Variants in ZSWIM6 observed in about 807,000 individuals in gnomAD.
ZSWIM6 encodes the protein zinc finger SWIM-type containing 6, also known as zinc finger SWIM domain-containing protein 6.
ZSWIM6 carries 9 observed loss-of-function variants against 113.2 expected under a neutral mutation model. The observed-to-expected ratio is 0.08, with a 90% CI of 0.05 to 0.14. The LOEUF is 0.14. ZSWIM6 is among the 10% of genes least tolerant of loss of function. ZSWIM6 has a pLI of 1.00. For missense variants in ZSWIM6, 1,162 were observed against 1,552.2 expected (o/e 0.75, Z 4.22); for synonymous variants, 611 against 606.5 (o/e 1.01, Z -0.11).
intron 12 of ZSWIM6, among the ~76,000 whole-genome samples, chr5:61,541,080 A>G (rs1397969933): frequency 6.6e-6 from 1 of 151,958 alleles, no homozygotes; most frequent in Non-Finnish European, 1.5e-5. Context: ...AGTAGCTGGG[A>G]CTACAGGCGC....
chr5:61,414,825 T>G (rs914479136), intron 1 of ZSWIM6, among the ~76,000 whole-genome samples: 6 of 152,228 alleles, frequency 3.9e-5, no homozygotes, highest in African/African-American at 1.4e-4. Flanking sequence ...AAGTTTTTCT[T>G]TGCTTACTTT....
intron 1 of ZSWIM6, among the ~76,000 whole-genome samples, chr5:61,407,377 A>G (rs1746065962): frequency 6.6e-6 from 1 of 152,248 alleles, no homozygotes; most frequent in African/African-American, 2.4e-5. Context: ...AAATTATTCT[A>G]CAAACTGCAT....
chr5:61,476,910 T>C (rs1747720572), intron 2 of ZSWIM6, among the ~76,000 whole-genome samples: 1 of 152,174 alleles, frequency 6.6e-6, no homozygotes, highest in African/African-American at 2.4e-5. Context: ...TTTTTTCTCA[T>C]ATTTAAAATG....
At chr5:61,529,911 A>T (rs1749385173) in intron 7 of ZSWIM6, 141 bp from the exon 8 acceptor site, 2 of 733,468 alleles carry the variant, frequency 2.7e-6, no homozygotes, top group Non-Finnish European at 4.2e-6. Context: ...TTGGTTTCTT[A>T]ATTAAAAGAG....
At chr5:61,538,426 T>G (rs1167742750) in intron 10 of ZSWIM6, among the ~76,000 whole-genome samples, 4 of 152,244 alleles carry the variant, frequency 2.6e-5, no homozygotes, top group Non-Finnish European at 5.9e-5. Context: ...CAGTTTCTGT[T>G]GATTTATTTT....
At chr5:61,506,590 A>AG (rs1397985958) in intron 4 of ZSWIM6, among the ~76,000 whole-genome samples, 49 of 152,230 alleles carry the variant, frequency 3.2e-4, no homozygotes, top group Non-Finnish European at 2.9e-5. Flanking sequence ...GAAAAAAAAA[A>AG]AAGTTATTTT....
chr5:61,431,783 A>C (rs181929086), intron 1 of ZSWIM6, among the ~76,000 whole-genome samples: 1 of 152,284 alleles, frequency 6.6e-6, no homozygotes, highest in East Asian at 1.9e-4. Flanking sequence ...AACTTTGACT[A>C]CTTCACCTAC....
intron 4 of ZSWIM6, among the ~76,000 whole-genome samples, chr5:61,504,907 G>A (rs2112235153): frequency 6.6e-6 from 1 of 152,150 alleles, no homozygotes; most frequent in East Asian, 1.9e-4. Context: ...TCAGGAAACA[G>A]AATAAATAAA....
intron 4 of ZSWIM6, among the ~76,000 whole-genome samples, chr5:61,502,637 T>C (rs1292018963): frequency 6.6e-6 from 1 of 152,174 alleles, no homozygotes; most frequent in East Asian, 1.9e-4. Flanking sequence ...GGTTCCCCCA[T>C]CCCCGGACTG....
chr5:61,528,087 T>C (rs1749333339), intron 7 of ZSWIM6, among the ~76,000 whole-genome samples: 1 of 152,178 alleles, frequency 6.6e-6, no homozygotes, highest in Non-Finnish European at 1.5e-5. Context: ...TATACCTATG[T>C]CTTTCCCTAC....
intron 2 of ZSWIM6, among the ~76,000 whole-genome samples, chr5:61,487,486 T>C (rs1331265984): frequency 6.6e-6 from 1 of 152,090 alleles, no homozygotes; most frequent in African/African-American, 2.4e-5. Flanking sequence ...CTTTGGGCAA[T>C]AGGGTCATCT....
intron 7 of ZSWIM6, among the ~76,000 whole-genome samples, chr5:61,526,768 C>G (rs2112269787): frequency 6.6e-6 from 1 of 152,284 alleles, no homozygotes; most frequent in Middle Eastern, 3.4e-3. Context: ...TGAATCCCGG[C>G]AATCCTAACG....
At chr5:61,359,734 AG>A (rs1204526498) in intron 1 of ZSWIM6, among the ~76,000 whole-genome samples, 2 of 151,876 alleles carry the variant, frequency 1.3e-5, no homozygotes, top group East Asian at 3.9e-4. Context: ...AGTGCTTTCT[AG>A]GGGCCAGGTA....
At chr5:61,356,027 A>G (rs1419973252) in intron 1 of ZSWIM6, among the ~76,000 whole-genome samples, 1 of 152,152 alleles carries the variant, frequency 6.6e-6, no homozygotes, top group Non-Finnish European at 1.5e-5. Flanking sequence ...CTTGATTTTA[A>G]CTTTTTGCCA....
Position 61,480,445 on chromosome 5 carries a change from T to C in ZSWIM6, c.1033+7408T>C, listed in dbSNP as rs80174700. ...GCAGAACCCGGTGCACATCAGCCTTTCCTCTGTCATTAGCCTCCACGGTGA... is the reference window on the plus strand; with the variant it reads ...GCAGAACCCGGTGCACATCAGCCTTCCCTCTGTCATTAGCCTCCACGGTGA... On this transcript the variant is annotated intron_variant, in intron 2 of 13. Coordinates refer to ENST00000252744, the MANE Select transcript of ZSWIM6 (RefSeq NM_020928.2). Among the ~76,000 whole-genome samples the C allele has an allele frequency of 6.4e-3, 974 of 152,264 alleles. 8 individuals carry two copies. Among genetic ancestry groups the C allele is most frequent in the African/African-American group, 0.02 (843 of 41,536 alleles).
chr5:61,423,241 T>C (rs1018255173), intron 1 of ZSWIM6, among the ~76,000 whole-genome samples: 8 of 152,046 alleles, frequency 5.3e-5, no homozygotes, highest in Non-Finnish European at 1.0e-4. Flanking sequence ...ACCCCGTCTC[T>C]ACTAAAAATA....
intron 9 of ZSWIM6, among the ~76,000 whole-genome samples, chr5:61,535,099 T>C (rs1229807331): frequency 6.6e-6 from 1 of 152,168 alleles, no homozygotes; most frequent in Non-Finnish European, 1.5e-5. Flanking sequence ...ATAGTTAAGC[T>C]GTGGTGTCAT....
intron 1 of ZSWIM6, among the ~76,000 whole-genome samples, chr5:61,355,601 A>C (rs1199060150): frequency 4.6e-5 from 7 of 152,170 alleles, no homozygotes; most frequent in Admixed American, 3.9e-4. Flanking sequence ...TTTACAAGTA[A>C]TTTGTAGAAA....
At chr5:61,528,256 T>C (rs1749337043) in intron 7 of ZSWIM6, among the ~76,000 whole-genome samples, 1 of 149,428 alleles carries the variant, frequency 6.7e-6, no homozygotes, top group Non-Finnish European at 1.5e-5. Flanking sequence ...GTTAGCTTAT[T>C]GATTCTGAAA....
Sources: gnomAD v4.1 joint callset for allele counts (sites outside exome capture counted in the v4.1 genomes callset) on GRCh38, gnomAD v4.1.1 for gene constraint, MANE v1.5 for transcripts, NCBI Gene and HGNC (gene_info 2026-07-23, HGNC 2026-07-21) for gene names.